Variants in HECTD4 observed in about 807,000 individuals in gnomAD.
HECTD4 encodes the protein HECT domain E3 ubiquitin protein ligase 4.
In HECTD4, 114 loss-of-function variants were observed where a neutral mutation model predicts 471.5. The observed-to-expected ratio is 0.24, with a 90% confidence interval of 0.21 to 0.28. HECTD4 has a LOEUF of 0.28. HECTD4 is among the 10% of genes least tolerant of loss of function. The pLI, the probability that HECTD4 is intolerant of heterozygous loss-of-function variation, is 1.00. For synonymous variants in HECTD4, 2,012 were observed against 2,256.0 expected (o/e 0.89, Z 3.07); for missense variants, 3,866 against 5,651.5 (o/e 0.68, Z 10.13).
At chr12:112,310,993 G>A (rs555931339) in intron 4 of HECTD4, among the ~76,000 whole-genome samples, 2 of 152,322 alleles carry the variant, frequency 1.3e-5, no homozygotes, top group Admixed American at 1.3e-4. Flanking sequence ...CAGGCACAGT[G>A]GCTCATGCCT....
chr12:112,221,933 T>C (rs558883731), intron 44 of HECTD4, among the ~76,000 whole-genome samples: 1 of 151,122 alleles, frequency 6.6e-6, no homozygotes, highest in African/African-American at 2.4e-5. Flanking sequence ...TTTTCTTTTT[T>C]TTTTTTTTGA....
At position 112,231,572 on chromosome 12, in the gene HECTD4, G is replaced by A. The variant is rs1593956670; in HGVS notation, c.6141C>T (p.Gly2047=). The change falls in exon 39 of 76, where the codon GGC becomes GGT. Residue 2047 remains glycine, a synonymous_variant. Transcript: ENST00000682272. ...NPETVSGLST[G]DKKKTAQTSI... is the part of the protein sequence containing the mutation. ...AAGTTTGGGCAGTTTTCTTTTTGTC[G>A]CCTGTGGATAGTCCACTCACAGTCT... The A allele has an allele frequency of 2.2e-5, 36 of 1,613,852 alleles. No homozygotes were observed. Among genetic ancestry groups the A allele is most frequent in the East Asian group, 8.9e-5 (4 of 44,898 alleles).
chr12:112,313,175 A>T lies in HECTD4; in HGVS notation c.786-28T>A, dbSNP rs532121409. On this transcript the variant is annotated intron_variant, in intron 3 of 75. Transcript: ENST00000682272. ...ATATGGGGGAGAAAGAAAATCACAAAGACACTGAGACAATCCATTTCAGCA... is the reference window on the plus strand; with the variant it reads ...ATATGGGGGAGAAAGAAAATCACAATGACACTGAGACAATCCATTTCAGCA... 105 of 1,512,044 alleles carry T rather than the reference A, an allele frequency of 6.9e-5. 1 individual carries two copies. The African/African-American group carries it at 1.2e-3, about 17-fold the overall frequency. The allele number at this position is 1,512,044 out of a possible 1,614,324, so 93.7% of individuals were successfully genotyped here.
In HECTD4 at chr12:112,355,353, C is replaced by T. The variant is rs942120209; in HGVS notation, c.177+26599G>A. On this transcript the variant is annotated intron_variant, in intron 1 of 75. Transcript: ENST00000682272. The stretch of plus-strand genomic sequence containing the variant: ...GCCGACACCTGTAATCCCAGCTACT[C>T]GGGAGGCTGAGGCAGGAGAATGGCT... 4.8e-5 allele frequency among the ~76,000 whole-genome samples: 7 copies of T among 146,058 alleles called. No homozygotes were observed. The South Asian group carries it at 9.1e-4, about 19-fold the overall frequency.
chr12:112,163,955 C>T lies in HECTD4; in HGVS notation c.12701+154G>A, dbSNP rs2030816363. ...CTGCTGAGGACCCTCTTTCTTGGCA[C>T]CCACCATCCTGCCTCATCTCCCTCT... On this transcript the variant is annotated intron_variant, in intron 73 of 75. Coordinates refer to ENST00000682272, the MANE Select transcript of HECTD4 (RefSeq NM_001388303.1). This position sits in a 1 kb window ranked among gnomAD's most constrained non-coding sequence, Gnocchi z 8.2. Among the ~76,000 whole-genome samples the T allele has an allele frequency of 6.6e-6, 1 of 152,174 alleles. No homozygotes were observed. The highest frequency in any genetic ancestry group is 2.4e-5 in the African/African-American group (1 of 41,450).
intron 38 of HECTD4, 100 bp downstream of exon 38, chr12:112,232,904 C>A: frequency 9.4e-7 from 1 of 1,068,452 alleles, no homozygotes; most frequent in South Asian, 1.4e-5. Flanking sequence ...TTCGTTGGAA[C>A]TTGAACTAAT....
At chr12:112,330,653 T>C (rs1403284874) in intron 1 of HECTD4, among the ~76,000 whole-genome samples, 1 of 152,252 alleles carries the variant, frequency 6.6e-6, no homozygotes, top group Non-Finnish European at 1.5e-5. Context: ...CATGTCATAC[T>C]CATGTTTGTG....
At chr12:112,286,675 G>A (rs1465114779) in intron 7 of HECTD4, among the ~76,000 whole-genome samples, 1 of 152,066 alleles carries the variant, frequency 6.6e-6, no homozygotes, top group Non-Finnish European at 1.5e-5. Flanking sequence ...CTGGGCAACA[G>A]AGGGAGATCC....
chr12:112,343,125 C>T (rs926850880), intron 1 of HECTD4, among the ~76,000 whole-genome samples: 4 of 152,104 alleles, frequency 2.6e-5, no homozygotes, highest in African/African-American at 9.7e-5. Context: ...CATGTCAAAT[C>T]TTTTTTTATT....
At chr12:112,266,780 C>A (rs973280135) in intron 14 of HECTD4, 132 bp downstream of exon 14, 19 of 663,626 alleles carry the variant, frequency 2.9e-5, no homozygotes, top group Middle Eastern at 3.7e-4. Context: ...CCGTGCCTGG[C>A]CTGCAGATAC....
chr12:112,297,714 T>C (rs1364485711), intron 7 of HECTD4, among the ~76,000 whole-genome samples: 1 of 152,072 alleles, frequency 6.6e-6, no homozygotes, highest in Non-Finnish European at 1.5e-5. Context: ...GACCATCAGA[T>C]TTCCAACTGG....
chr12:112,265,843 C>CA (rs1487224216), intron 15 of HECTD4, 35 bp downstream of exon 15: 34 of 1,491,012 alleles, frequency 2.3e-5, no homozygotes, highest in Non-Finnish European at 3.1e-5. Context: ...ACTGAGAACA[C>CA]AAAGGCTAGA....
At chr12:112,178,813 C>T in intron 64 of HECTD4, 118 bp downstream of exon 64, 1 of 1,207,374 alleles carries the variant, frequency 8.3e-7, no homozygotes, top group Non-Finnish European at 1.1e-6. Context: ...CAAAGCATGA[C>T]AAAAAAGGCC....
chr12:112,215,483 A>G (rs111365732), intron 48 of HECTD4, among the ~76,000 whole-genome samples: 2 of 152,308 alleles, frequency 1.3e-5, no homozygotes, highest in African/African-American at 4.8e-5. Context: ...TCCTAATTCA[A>G]CTACTATACA....
At chr12:112,200,597 T>C in intron 55 of HECTD4, 41 bp downstream of exon 55, 1 of 1,586,512 alleles carries the variant, frequency 6.3e-7, no homozygotes, top group Non-Finnish European at 8.6e-7. Flanking sequence ...GCGAAGTTGG[T>C]GGATTTCTGT....
chr12:112,181,943 T>C (rs992134937), intron 62 of HECTD4, among the ~76,000 whole-genome samples: 1 of 151,504 alleles, frequency 6.6e-6, no homozygotes, highest in African/African-American at 2.4e-5. Context: ...AATACAAAAA[T>C]TAGCTGGGTA....
Position 112,167,817 on chromosome 12 carries a change from G to A in HECTD4, c.12309C>T (p.Asn4103=), listed in dbSNP as rs765114335. The change falls in exon 71 of 76, where the codon AAC becomes AAT. Residue 4103 remains asparagine (N), a synonymous_variant. Coordinates refer to ENST00000682272, the MANE Select transcript of HECTD4 (RefSeq NM_001388303.1). ...LLCPSSAVNK[N]KGKYILTPSP... The stretch of plus-strand genomic sequence containing the variant: ...CCTCCTCCCGGCCTCTGCCTACCTT[G>A]TTCTTATTGACAGCTGAGCTGGGGC... The A allele has an allele frequency of 3.7e-6, 6 of 1,613,212 alleles. No homozygotes were observed. In the African/African-American group the frequency reaches 4.0e-5, roughly 11 times the overall value.
Position 112,162,349 on chromosome 12 carries a change from G to T in HECTD4, c.*38C>A. On this transcript the variant is annotated 3_prime_UTR_variant, in exon 76 of 76. Transcript: ENST00000682272. This position sits in a 1 kb window ranked among gnomAD's most constrained non-coding sequence, Gnocchi z 5.2. Reference sequence around the variant, plus strand: ...GTGGCTTCCCAAGCCAGCAGAGTGGGTGCCTCAGTGACAGCCTAATTCTGG... The same window carrying T: ...GTGGCTTCCCAAGCCAGCAGAGTGGTTGCCTCAGTGACAGCCTAATTCTGG... 1 of 1,613,132 alleles carries T rather than the reference G, an allele frequency of 6.2e-7. No homozygotes were observed. Among genetic ancestry groups the T allele is most frequent in the South Asian group, 1.1e-5 (1 of 91,034 alleles).
chr12:112,216,169 G>T, intron 48 of HECTD4, 123 bp downstream of exon 48: 1 of 678,744 alleles, frequency 1.5e-6, no homozygotes, highest in South Asian at 1.8e-5. Context: ...GGACGTGTTT[G>T]GTTTTTGCTA....
Sources: allele counts gnomAD v4.1 joint callset (sites outside exome capture counted in the v4.1 genomes callset), GRCh38; gene constraint gnomAD v4.1.1; non-coding constraint Gnocchi (gnomAD v3.1); transcripts MANE v1.5; gene names NCBI Gene and HGNC (gene_info 2026-07-23, HGNC 2026-07-21).